The following ROCK2 variants were observed in gnomAD, a reference collection of about 807,000 sequenced individuals.
ROCK2 encodes Rho associated coiled-coil containing protein kinase 2.
ROCK2 carries 61 observed loss-of-function variants against 195.1 expected under a neutral mutation model. The ratio of observed to expected loss-of-function variants is 0.31; its 90% CI spans 0.25 to 0.39. The LOEUF is 0.39. Among genes scored for constraint, ROCK2 ranks in the 10% least tolerant of loss-of-function variants. The pLI is 1.00. For synonymous variants in ROCK2, 504 were observed against 545.5 expected, an observed-to-expected ratio of 0.92 and a Z score of 1.06; for missense variants, 1,109 against 1,637.4, an observed-to-expected ratio of 0.68 and a Z score of 5.57.
intron 1 of ROCK2, chr2:11,308,683 T>C (rs575670742): frequency 2.4e-5 from 36 of 1,517,644 alleles, no homozygotes; most frequent in South Asian, 1.4e-4. Context: ...TTCATTTTAA[T>C]GTGGACATTG....
At chr2:11,236,222 T>C (rs961299815) in intron 4 of ROCK2, among the ~76,000 whole-genome samples, 6 of 151,944 alleles carry the variant, frequency 3.9e-5, no homozygotes, top group Admixed American at 6.6e-5. Context: ...AAAGAAACTA[T>C]TTAAATAGAA....
chr2:11,214,209 T>G (rs1664345435), intron 17 of ROCK2, 148 bp downstream of exon 17: 1 of 578,910 alleles, frequency 1.7e-6, no homozygotes, highest in South Asian at 2.1e-5. Flanking sequence ...CAGATACATC[T>G]CTTATCTACA....
intron 1 of ROCK2, among the ~76,000 whole-genome samples, chr2:11,331,762 T>TA (rs1267128303): frequency 5.3e-5 from 8 of 152,034 alleles, no homozygotes; most frequent in African/African-American, 1.4e-4. Context: ...CTGTCTCTGC[T>TA]AAAAATACAA....
rs146540101 is a variant in ROCK2, at chr2:11,231,128, T to C, written c.724-3730A>G. On this transcript the variant is annotated intron_variant, in intron 5 of 32. Coordinates refer to ENST00000315872, the MANE Select transcript of ROCK2 (RefSeq NM_004850.5). ...TTAGCTTTTAAAAAATTATATCTTC[T>C]ATTTAGTCAAATGGTATATGCTAGA... Among the ~76,000 whole-genome samples the C allele has an allele frequency of 1.9e-3, 287 of 152,262 alleles. 1 individual carries two copies. Among genetic ancestry groups the C allele is most frequent in the African/African-American group, 6.6e-3 (274 of 41,546 alleles).
intron 1 of ROCK2, among the ~76,000 whole-genome samples, chr2:11,339,899 T>C (rs866205198): frequency 6.6e-6 from 1 of 152,208 alleles, no homozygotes; most frequent in Non-Finnish European, 1.5e-5. Flanking sequence ...GTTCCACTTA[T>C]TAACTTGTGT....
intron 1 of ROCK2, among the ~76,000 whole-genome samples, 180 bp downstream of exon 1, chr2:11,343,816 G>T (rs1354195516): frequency 6.6e-6 from 1 of 152,194 alleles, no homozygotes; most frequent in South Asian, 2.1e-4. Flanking sequence ...TCAAAGGCGG[G>T]TCACTACTCT....
intron 23 of ROCK2, 114 bp downstream of exon 23, chr2:11,200,843 G>A: frequency 4.6e-6 from 4 of 869,854 alleles, no homozygotes; most frequent in Non-Finnish European, 6.7e-6. Flanking sequence ...TAAAAATCTT[G>A]TAGTCAGCAT....
chr2:11,336,023 A>G (rs913451669), intron 1 of ROCK2, among the ~76,000 whole-genome samples: 1 of 152,222 alleles, frequency 6.6e-6, no homozygotes, highest in African/African-American at 2.4e-5. Flanking sequence ...AAGATATATA[A>G]ACCAAAATGT....
In ROCK2 at chr2:11,197,707, T is replaced by C; in HGVS notation, c.3100-2A>G. The C allele has an allele frequency of 6.5e-7, 1 of 1,531,648 alleles. No homozygotes were observed. Among genetic ancestry groups the C allele is most frequent in the Non-Finnish European group, 8.7e-7 (1 of 1,144,998 alleles). 94.9% of individuals were successfully genotyped at this position (1,531,648 alleles called of 1,614,324 possible). On this transcript the variant is annotated splice_acceptor_variant, in intron 25 of 32. Coordinates refer to ENST00000315872, the MANE Select transcript of ROCK2 (RefSeq NM_004850.5). LOFTEE classifies it high-confidence loss of function. The surrounding 1 kb of genome is among the most constrained non-coding windows in gnomAD (Gnocchi z 4.9). ...GATCTCAGCCAACTTATTCACAGCC[T>C]TAAAAAATGTAAAAATAAATATAAT...
intron 6 of ROCK2, among the ~76,000 whole-genome samples, chr2:11,226,674 G>A (rs10176416): frequency 0.41 from 61,680 of 151,756 alleles, 13,808 homozygotes; most frequent in Admixed American, 0.52. Context: ...CACTTTGGGA[G>A]GCTGAGGTGG....
At chr2:11,207,641 C>T (rs1406667610) in intron 20 of ROCK2, 85 bp downstream of exon 20, 13 of 1,056,786 alleles carry the variant, frequency 1.2e-5, no homozygotes, top group South Asian at 9.8e-5. Flanking sequence ...AAGTAAAATG[C>T]TCAAAAGAAA....
chr2:11,199,310 T>C (rs1663764403), intron 23 of ROCK2, among the ~76,000 whole-genome samples: 2 of 151,038 alleles, frequency 1.3e-5, no homozygotes, highest in African/African-American at 2.4e-5. Flanking sequence ...TGATTTTCTT[T>C]TTTTTTTTTC....
chr2:11,267,842 T>G (rs1462384070), intron 3 of ROCK2, among the ~76,000 whole-genome samples: 7 of 151,872 alleles, frequency 4.6e-5, no homozygotes, highest in Non-Finnish European at 8.8e-5. Context: ...AGACGGGGTT[T>G]CACTGTGTGA....
chr2:11,284,658 T>C (rs1352630171), intron 3 of ROCK2, among the ~76,000 whole-genome samples: 1 of 152,202 alleles, frequency 6.6e-6, no homozygotes, highest in East Asian at 1.9e-4. Flanking sequence ...AATTTAGAAA[T>C]TATATTAAAG....
At chr2:11,198,904 CAG>C in intron 23 of ROCK2, 130 bp from the exon 24 acceptor site, 2 of 567,280 alleles carry the variant, frequency 3.5e-6, no homozygotes, top group East Asian at 3.2e-5. Context: ...TTTTTTGAGA[CAG>C]AGTCTTGCTC....
In ROCK2 at chr2:11,207,897, G is replaced by C. The variant is rs368029536; in HGVS notation, c.2378C>G (p.Thr793Arg). The C allele has an allele frequency of 1.9e-6, 3 of 1,578,384 alleles. No individual in the cohort carries two copies. In the East Asian group the frequency reaches 6.7e-5, roughly 35 times the overall value. The change falls in exon 20 of 33, where the codon ACA (threonine) becomes AGA (arginine). Residue 793 changes from threonine to arginine, a missense_variant. Coordinates refer to ENST00000315872, the MANE Select transcript of ROCK2 (RefSeq NM_004850.5). ...DVLNEDVRNL[T>R]LKIEQETQKR... ...CTGAGTTTCTTGCTCTATTTTTAATGTCAGGTTTCTAACCTAAGAAATAAA... is the reference window on the plus strand; with the variant it reads ...CTGAGTTTCTTGCTCTATTTTTAATCTCAGGTTTCTAACCTAAGAAATAAA...
At chr2:11,270,259 A>C (rs991323188) in intron 3 of ROCK2, among the ~76,000 whole-genome samples, 2 of 152,102 alleles carry the variant, frequency 1.3e-5, no homozygotes, top group Non-Finnish European at 2.9e-5. Flanking sequence ...GTGGTTTGTT[A>C]GGCTTTTTCT....
chr2:11,217,273 A>G, intron 11 of ROCK2, 104 bp from the exon 12 acceptor site: 1 of 745,226 alleles, frequency 1.3e-6, no homozygotes, highest in Non-Finnish European at 2.5e-6. Flanking sequence ...CACTAAACAT[A>G]ATGTCCTCTA....
At position 11,216,419 on chromosome 2, in the gene ROCK2, C is replaced by T. The variant is rs560948677; in HGVS notation, c.1413-213G>A. Among the ~76,000 whole-genome samples, 4 of 152,240 alleles carry T rather than the reference C, an allele frequency of 2.6e-5. No individual in the cohort carries two copies. In the South Asian group the frequency reaches 8.3e-4, roughly 32 times the overall value. ...GTTCAAGCGACTGTCCTGCCTCAGC[C>T]TCCCAAGTAGCTCCCTTGGCCCCTC... On this transcript the variant is annotated intron_variant, in intron 12 of 32. Coordinates refer to ENST00000315872, the MANE Select transcript of ROCK2 (RefSeq NM_004850.5).
Sources: allele counts gnomAD v4.1 joint callset (sites outside exome capture counted in the v4.1 genomes callset), GRCh38; gene constraint gnomAD v4.1.1; non-coding constraint Gnocchi (gnomAD v3.1); transcripts MANE v1.5; gene names NCBI Gene and HGNC (gene_info 2026-07-23, HGNC 2026-07-21).